POLDIP2: variants seen among roughly 807,000 people sequenced by gnomAD.
The protein encoded by POLDIP2 is polymerase delta-interacting protein 2.
A neutral mutation model predicts 52.9 loss-of-function variants in POLDIP2; 32 were observed. The ratio of observed to expected loss-of-function variants is 0.61; its 90% confidence interval spans 0.46 to 0.81. POLDIP2 has a LOEUF of 0.81. Among genes scored for constraint, POLDIP2 ranks in the 40% least tolerant of loss-of-function variants. POLDIP2 has a pLI of 0.00. For missense variants in POLDIP2, 371 were observed against 477.3 expected (o/e 0.78, Z 2.07); for synonymous variants, 183 against 183.0 (o/e 1.00, Z 0.00).
chr17:28,355,521 T>G (rs1425705163), intron 2 of POLDIP2, among the ~76,000 whole-genome samples: 1 of 152,092 alleles, frequency 6.6e-6, no homozygotes, highest in East Asian at 1.9e-4. Context: ...GTAGGAGAAC[T>G]GCTTAAACCC....
intron 9 of POLDIP2, 43 bp from the exon 10 acceptor site, chr17:28,349,205 A>G (rs1366188782): frequency 1.4e-6 from 2 of 1,455,024 alleles, no homozygotes; most frequent in Non-Finnish European, 1.9e-6. Flanking sequence ...AGCCCCAGGG[A>G]CATGTTTCCT....
rs2142398354 is a variant in POLDIP2, at chr17:28,353,689, A to G, written c.438+6T>C. 3 of 1,599,446 alleles carry G rather than the reference A, an allele frequency of 1.9e-6. No individual in the cohort carries two copies. The highest frequency in any genetic ancestry group is 1.7e-6 in the Non-Finnish European group (2 of 1,167,248). ...ACCCCCAAGCCCAGCCATCTTGCTT[A>G]CTTACTATATGTGGGCAGTCACGAG... is the stretch of plus-strand genomic sequence containing the variant. On this transcript the variant is annotated splice_donor_region_variant and intron_variant, in intron 4 of 10. Transcript: ENST00000540200.
chr17:28,350,396 C>A, intron 9 of POLDIP2, 42 bp downstream of exon 9: 1 of 1,565,000 alleles, frequency 6.4e-7, no homozygotes, highest in Non-Finnish European at 8.7e-7. Flanking sequence ...AGCCCCCAGG[C>A]TTGCCACACA....
intron 4 of POLDIP2, 146 bp downstream of exon 4, chr17:28,353,549 G>T: frequency 2.8e-6 from 1 of 353,038 alleles, no homozygotes; most frequent in Non-Finnish European, 4.9e-6. Flanking sequence ...GTGAATCAGG[G>T]CTTTGTTGGC....
At chr17:28,353,957 G>T (rs576945354) in intron 3 of POLDIP2, among the ~76,000 whole-genome samples, 166 bp from the exon 4 acceptor site, 1 of 152,156 alleles carries the variant, frequency 6.6e-6, no homozygotes, top group Non-Finnish European at 1.5e-5. Context: ...CTGCTCCTCA[G>T]TTGGGGCAAA....
chr17:28,351,553 A>ATGT lies in POLDIP2; in HGVS notation c.759+110_759+111insACA. The ATGT allele has an allele frequency of 9.5e-6, 10 of 1,052,922 alleles. No homozygotes were observed. In the South Asian group the frequency reaches 1.4e-4, roughly 14 times the overall value. 65.2% of individuals were successfully genotyped at this position (1,052,922 alleles called of 1,614,324 possible). A position where few individuals can be genotyped will look rare whatever the true frequency, so the allele number is the denominator to read the frequency against. ...ACACATGCCACCACTTGGAAGCAGA[A>ATGT]CCACAGGGACATGGTTTATATTTAG... On this transcript the variant is annotated intron_variant, in intron 7 of 10. Coordinates refer to ENST00000540200, the MANE Select transcript of POLDIP2 (RefSeq NM_015584.5).
intron 7 of POLDIP2, among the ~76,000 whole-genome samples, chr17:28,351,224 T>C (rs1907782677): frequency 1.3e-5 from 2 of 152,218 alleles, no homozygotes; most frequent in African/African-American, 4.8e-5. Context: ...TTCATTTATA[T>C]TTGTATCCAA....
chr17:28,353,936 C>A (rs1907921023), intron 3 of POLDIP2, 145 bp from the exon 4 acceptor site: 2 of 648,968 alleles, frequency 3.1e-6, no homozygotes, highest in Non-Finnish European at 5.6e-6. Flanking sequence ...CTCTGCAGCA[C>A]CTCAGCTCAG....
intron 1 of POLDIP2, 35 bp from the exon 2 acceptor site, chr17:28,355,911 G>C: frequency 1.3e-6 from 2 of 1,519,486 alleles, no homozygotes; most frequent in Non-Finnish European, 1.8e-6. Flanking sequence ...CAACAGAAAA[G>C]CTGAGAAGGT....
chr17:28,351,544 G>T, intron 7 of POLDIP2, 120 bp downstream of exon 7: 1 of 960,036 alleles, frequency 1.0e-6, no homozygotes, highest in Non-Finnish European at 1.6e-6. Flanking sequence ...GCCACCACTT[G>T]GAAGCAGAAC....
intron 5 of POLDIP2, 53 bp from the exon 6 acceptor site, chr17:28,353,072 T>G: frequency 6.3e-6 from 5 of 796,648 alleles, no homozygotes; most frequent in Non-Finnish European, 1.1e-5. Flanking sequence ...AGGAGAGAGA[T>G]GGGGTTGAGA....
intron 5 of POLDIP2, 91 bp downstream of exon 5, chr17:28,353,150 C>A: frequency 1.3e-6 from 1 of 765,492 alleles, no homozygotes; most frequent in South Asian, 1.4e-5. Flanking sequence ...CATCATAATC[C>A]CTCCCAGTGG....
At chr17:28,348,939 C>T (rs1277914296) in intron 10 of POLDIP2, 144 bp downstream of exon 10, 2 of 573,840 alleles carry the variant, frequency 3.5e-6, no homozygotes, top group East Asian at 6.2e-5. Context: ...AGACAAGTCC[C>T]ACACAACAAT....
At chr17:28,351,859 T>C in intron 6 of POLDIP2, 59 bp from the exon 7 acceptor site, 5 of 1,493,436 alleles carry the variant, frequency 3.3e-6, no homozygotes, top group Non-Finnish European at 4.7e-6. Context: ...TTGTATCTAG[T>C]CCAATCACAC....
chr17:28,348,297 C>A (rs1276506229), intron 10 of POLDIP2, 66 bp from the exon 11 acceptor site: 1 of 1,015,616 alleles, frequency 9.8e-7, no homozygotes, highest in Non-Finnish European at 1.5e-6. Context: ...TCTGGATGGC[C>A]CCATGCCCTC....
intron 3 of POLDIP2, 63 bp from the exon 4 acceptor site, chr17:28,353,854 G>C: frequency 9.4e-7 from 1 of 1,069,228 alleles, no homozygotes; most frequent in Non-Finnish European, 1.5e-6. Flanking sequence ...GGCTGACTCA[G>C]CTCCCTACTC....
chr17:28,355,802 G>C lies in POLDIP2; in HGVS notation c.236C>G (p.Thr79Ser), dbSNP rs1448875847. 5.6e-6 allele frequency: 9 copies of C among 1,611,264 alleles called. No individual in the cohort carries two copies. The highest frequency in any genetic ancestry group is 7.6e-6 in the Non-Finnish European group (9 of 1,178,424). The change falls in exon 2 of 11, where the codon ACC becomes AGC. Residue 79 changes from threonine (T) to serine (S), a missense_variant. Thr to Ser is a moderately conservative substitution (Grantham distance 58, BLOSUM62 1). Transcript: ENST00000540200. ...EVPKQNGKYE[T>S]GQLFLHSIFG... is the part of the protein sequence containing the mutation. ...ACCCAGCCCAATACTCACCTGCCCG[G>C]TCTCATATTTTCCATTCTGTTTTGG...
chr17:28,357,477 G>A lies in POLDIP2; in HGVS notation c.-29C>T, dbSNP rs782743898. The A allele has an allele frequency of 1.2e-5, 17 of 1,429,024 alleles. 1 individual carries two copies. The highest frequency in any genetic ancestry group is 4.5e-5 in the South Asian group (3 of 66,108). The allele number at this position is 1,429,024 out of a possible 1,614,324, so 88.5% of individuals were successfully genotyped here. On this transcript the variant is annotated 5_prime_UTR_variant, in exon 1 of 11. Transcript: ENST00000540200. ...CCGCCCGAGCGCCCGCCCGGCTGCT[G>A]ACACAGAGCCCGACCCGCGGCCGGG...
At chr17:28,355,082 T>A (rs1907962560) in intron 2 of POLDIP2, among the ~76,000 whole-genome samples, 1 of 152,162 alleles carries the variant, frequency 6.6e-6, no homozygotes, top group African/African-American at 2.4e-5. Flanking sequence ...GAACCACACA[T>A]CCAGAGTTTA....
Sources: allele counts gnomAD v4.1 joint callset (sites outside exome capture counted in the v4.1 genomes callset), GRCh38; gene constraint gnomAD v4.1.1; transcripts MANE v1.5; gene names NCBI Gene and HGNC (gene_info 2026-07-23, HGNC 2026-07-21).